Variants in SPAST observed in about 807,000 individuals in gnomAD.
SPAST encodes the protein spastin, also known as spastic paraplegia 4 (autosomal dominant; spastin).
SPAST carries 30 observed loss-of-function variants against 76.6 expected under a neutral mutation model. The observed-to-expected ratio is 0.39, with a 90% CI of 0.29 to 0.53. The LOEUF (loss-of-function observed/expected upper bound fraction) is 0.53, where lower values mean the gene tolerates loss of function less well. SPAST is among the 20% of genes least tolerant of loss of function. The pLI is 0.68. For synonymous variants in SPAST, 305 were observed against 281.0 expected (o/e 1.09, Z -0.86); for missense variants, 717 against 770.5 (o/e 0.93, Z 0.82).
At chr2:32,134,609 G>T (rs1679474893) in intron 9 of SPAST, among the ~76,000 whole-genome samples, 1 of 151,864 alleles carries the variant, frequency 6.6e-6, no homozygotes, top group African/African-American at 2.4e-5. Context: ...TGGTCTTCAA[G>T]TTGTTATTAA....
rs560872797 is a variant in SPAST, at chr2:32,153,593, G to T, written c.1729-781G>T. Among the ~76,000 whole-genome samples the T allele has an allele frequency of 1.2e-3, 176 of 151,954 alleles. No homozygotes were observed. Among genetic ancestry groups the T allele is most frequent in the Admixed American group, 2.4e-3 (37 of 15,240 alleles). Reference sequence around the variant, plus strand: ...GGCCTCCCAAAGTGCGGGGATTACAGGTGTGAGCCACCGTGCTTGGCCAAA... The same window carrying T: ...GGCCTCCCAAAGTGCGGGGATTACATGTGTGAGCCACCGTGCTTGGCCAAA... On this transcript the variant is annotated intron_variant, in intron 16 of 16. Coordinates refer to ENST00000315285, the MANE Select transcript of SPAST (RefSeq NM_014946.4).
At chr2:32,136,114 A>C (rs1276117323) in intron 9 of SPAST, among the ~76,000 whole-genome samples, 2 of 151,922 alleles carry the variant, frequency 1.3e-5, no homozygotes, top group African/African-American at 4.8e-5. Context: ...AAATTTTGAT[A>C]TTTATGTGAG....
chr2:32,063,931 C>T lies in SPAST; in HGVS notation c.100C>T (p.Pro34Ser), dbSNP rs749021726. The T allele has an allele frequency of 1.9e-6, 3 of 1,600,912 alleles. No individual in the cohort carries two copies. The highest frequency in any genetic ancestry group is 2.6e-6 in the Non-Finnish European group (3 of 1,174,070). ...PPPPCLAPAP[P>S]AAGPAPPPES... is the part of the protein sequence containing the mutation. Reference sequence around the variant, plus strand: ...GCCCCCTTGCCTGGCCCCCGCCCCTCCCGCCGCCGGGCCGGCCCCTCCGCC... The same window carrying T: ...GCCCCCTTGCCTGGCCCCCGCCCCTTCCGCCGCCGGGCCGGCCCCTCCGCC... Residue 34 changes from proline to serine, a missense_variant, in exon 1 of 17, where the codon CCC becomes TCC. By Grantham distance (74) the Pro-to-Ser change is moderately conservative. This residue lies in a region of SPAST where 543 missense variants were observed against 445.2 expected (regional missense o/e 1.22). Coordinates refer to ENST00000315285, the MANE Select transcript of SPAST (RefSeq NM_014946.4).
intron 5 of SPAST, 75 bp downstream of exon 5, chr2:32,114,900 G>A: frequency 9.7e-7 from 1 of 1,032,332 alleles, no homozygotes; most frequent in Non-Finnish European, 1.5e-6. Flanking sequence ...TCCTGCTTAA[G>A]TTGATCATAA....
chr2:32,136,933 C>T lies in SPAST; in HGVS notation c.1378C>T (p.Arg460Cys), dbSNP rs878854990. The change falls in exon 11 of 17, where the codon CGC (arginine) becomes TGC (cysteine). Residue 460 changes from arginine to cysteine, a missense_variant. Physicochemically the swap from Arg to Cys is radical, Grantham distance 180. This residue lies in a region of SPAST where 78 missense variants were observed against 197.6 expected (regional missense o/e 0.39). Transcript: ENST00000315285. The stretch of plus-strand genomic sequence containing the variant: ...AGAAGGGGAGCACGATGCTAGTAGA[C>T]GCCTAAAAACTGAATTTCTAATAGA... ...RREGEHDASR[R>C]LKTEFLIEFD... is the part of the protein sequence containing the mutation. 2.5e-6 allele frequency: 4 copies of T among 1,613,556 alleles called. No homozygotes were observed. The highest frequency in any genetic ancestry group is 3.4e-6 in the Non-Finnish European group (4 of 1,179,610).
chr2:32,102,277 G>T (rs912416343), intron 4 of SPAST, among the ~76,000 whole-genome samples: 1 of 152,142 alleles, frequency 6.6e-6, no homozygotes. Context: ...CTGTTTGTCT[G>T]TTATTGGTGT....
chr2:32,090,908 A>G (rs1340282010), intron 3 of SPAST, among the ~76,000 whole-genome samples: 2 of 152,168 alleles, frequency 1.3e-5, no homozygotes, highest in Non-Finnish European at 2.9e-5. Flanking sequence ...GTTCATCATT[A>G]GTTGTTCCAT....
intron 7 of SPAST, among the ~76,000 whole-genome samples, chr2:32,120,446 TC>T (rs923698734): frequency 2.0e-5 from 3 of 152,144 alleles, no homozygotes; most frequent in Non-Finnish European, 4.4e-5. Context: ...AGCCTTTTTT[TC>T]CCCTAAATAA....
At chr2:32,079,516 T>C (rs1677113864) in intron 1 of SPAST, among the ~76,000 whole-genome samples, 1 of 148,522 alleles carries the variant, frequency 6.7e-6, no homozygotes, top group Admixed American at 6.7e-5. Context: ...AAAAAAAAAG[T>C]ATTTTTTCGT....
chr2:32,082,003 C>G (rs530159739), intron 1 of SPAST, among the ~76,000 whole-genome samples: 20 of 129,372 alleles, frequency 1.5e-4, no homozygotes, highest in African/African-American at 5.7e-4. Flanking sequence ...CTAGTTCTCT[C>G]TCTTTTTTTT....
intron 1 of SPAST, 50 bp downstream of exon 1, chr2:32,064,296 GGGGT>G: frequency 7.8e-7 from 1 of 1,285,820 alleles, no homozygotes; most frequent in East Asian, 2.6e-5. Flanking sequence ...AGAAGGCGGT[GGGGT>G]CGCCGGGGGA....
intron 12 of SPAST, among the ~76,000 whole-genome samples, chr2:32,139,034 A>T (rs527336972): frequency 6.6e-6 from 1 of 152,214 alleles, no homozygotes; most frequent in Non-Finnish European, 1.5e-5. Flanking sequence ...CTGTTTTTAT[A>T]CCAGAATTAT....
At chr2:32,145,090 G>GGT in intron 15 of SPAST, 83 bp downstream of exon 15, 3 of 1,025,296 alleles carry the variant, frequency 2.9e-6, no homozygotes, top group Non-Finnish European at 4.4e-6. Flanking sequence ...AATCTACCAA[G>GGT]AGATTTTTTT....
At chr2:32,131,033 T>C (rs1015010629) in intron 9 of SPAST, among the ~76,000 whole-genome samples, 11 of 152,260 alleles carry the variant, frequency 7.2e-5, no homozygotes, top group Admixed American at 2.0e-4. Context: ...ATAGTTGTTA[T>C]GGCATTGGAC....
intron 4 of SPAST, among the ~76,000 whole-genome samples, chr2:32,099,773 C>A (rs1678050051): frequency 6.6e-6 from 1 of 152,150 alleles, no homozygotes; most frequent in African/African-American, 2.4e-5. Flanking sequence ...CTCTTTCTAT[C>A]TAGCTATACC....
chr2:32,133,326 C>G (rs1264581749), intron 9 of SPAST, among the ~76,000 whole-genome samples: 1 of 152,112 alleles, frequency 6.6e-6, no homozygotes, highest in Non-Finnish European at 1.5e-5. Context: ...AGCGAATATA[C>G]TTTCATAATC....
In SPAST at chr2:32,069,778, C is replaced by G. The variant is rs542846433; in HGVS notation, c.415+5532C>G. On this transcript the variant is annotated intron_variant, in intron 1 of 16. Coordinates refer to ENST00000315285, the MANE Select transcript of SPAST (RefSeq NM_014946.4). ...GTTTCACCGTGTTAGCCAGTACGGT[C>G]TCGATCTCCTGTCCTCGTGATCCGC... is the stretch of plus-strand genomic sequence containing the variant. Among the ~76,000 whole-genome samples the G allele has an allele frequency of 3.9e-5, 6 of 152,122 alleles. No individual in the cohort carries two copies. The South Asian group carries it at 1.2e-3, about 32-fold the overall frequency.
chr2:32,127,034 C>G lies in SPAST; in HGVS notation c.1173+12C>G, dbSNP rs768651961. The G allele has an allele frequency of 1.3e-6, 2 of 1,591,084 alleles. No individual in the cohort carries two copies. The highest frequency in any genetic ancestry group is 2.2e-5 in the South Asian group (2 of 90,636). ...GGAAGACAATGCTGGTAAGGGTTCTCTTCAAATTTGAGTTTTCTGTTGAGA... is the reference window on the plus strand; with the variant it reads ...GGAAGACAATGCTGGTAAGGGTTCTGTTCAAATTTGAGTTTTCTGTTGAGA... On this transcript the variant is annotated intron_variant, in intron 8 of 16. Coordinates refer to ENST00000315285, the MANE Select transcript of SPAST (RefSeq NM_014946.4).
At chr2:32,105,151 C>G (rs1017839717) in intron 4 of SPAST, among the ~76,000 whole-genome samples, 17 of 152,122 alleles carry the variant, frequency 1.1e-4, no homozygotes, top group African/African-American at 3.6e-4. Context: ...CTGTTCGTTT[C>G]CTTTTACTCT....
Sources: allele counts gnomAD v4.1 joint callset (sites outside exome capture counted in the v4.1 genomes callset), GRCh38; gene constraint gnomAD v4.1.1; regional missense constraint gnomAD v4.1.1; transcripts MANE v1.5; gene names NCBI Gene and HGNC (gene_info 2026-07-23, HGNC 2026-07-21).